The following SBF2 variants were observed in gnomAD, a reference collection of about 807,000 sequenced individuals.
The protein encoded by SBF2 is SET binding factor 2.
Under a neutral mutation model 225.2 loss-of-function variants are expected in SBF2, and 112 were observed. The ratio of observed to expected loss-of-function variants is 0.50; its 90% CI spans 0.43 to 0.58. The LOEUF is 0.58. Ranked by LOEUF, SBF2 falls within the 20% of genes least tolerant of loss-of-function variation. The pLI is 0.00. For synonymous variants in SBF2, 763 were observed against 773.3 expected, an observed-to-expected ratio of 0.99 and a Z score of 0.22; for missense variants, 1,996 against 2,206.2, an observed-to-expected ratio of 0.90 and a Z score of 1.91.
At chr11:10,272,809 G>A (rs538615476) in intron 1 of SBF2, among the ~76,000 whole-genome samples, 1 of 151,328 alleles carries the variant, frequency 6.6e-6, no homozygotes, top group African/African-American at 2.4e-5. Context: ...GGTGGCTCCC[G>A]CCTGTAATCC....
chr11:9,942,901 G>GAGAGGAAGAAAGAA (rs1209099295), intron 16 of SBF2, among the ~76,000 whole-genome samples: 1 of 101,312 alleles, frequency 9.9e-6, no homozygotes, highest in African/African-American at 3.4e-5. Context: ...AAGAGAGAGA[G>GAGAGGAAGAAAGAA]AGAAAGAAAG....
intron 2 of SBF2, among the ~76,000 whole-genome samples, chr11:10,098,934 A>G (rs1464155218): frequency 1.3e-5 from 2 of 152,154 alleles, no homozygotes; most frequent in Admixed American, 1.3e-4. Flanking sequence ...AATATGCATG[A>G]TAGAAGTCTC....
At chr11:10,171,843 G>C (rs554953748) in intron 2 of SBF2, among the ~76,000 whole-genome samples, 1 of 152,096 alleles carries the variant, frequency 6.6e-6, no homozygotes, top group East Asian at 1.9e-4. Context: ...GTCTGTTCAG[G>C]TTTTGGATTT....
At chr11:10,268,805 A>G (rs1962226775) in intron 1 of SBF2, among the ~76,000 whole-genome samples, 1 of 152,240 alleles carries the variant, frequency 6.6e-6, no homozygotes, top group Admixed American at 6.5e-5. Context: ...ATGTAAACGG[A>G]AAGACCTTGA....
chr11:9,893,874 T>C (rs1406933292), intron 17 of SBF2, among the ~76,000 whole-genome samples: 1 of 152,190 alleles, frequency 6.6e-6, no homozygotes, highest in Admixed American at 6.5e-5. Context: ...TTGCTCCCTA[T>C]ATTTTATTCC....
chr11:10,019,529 T>C (rs1219761137), intron 6 of SBF2, among the ~76,000 whole-genome samples: 3 of 152,144 alleles, frequency 2.0e-5, no homozygotes, highest in Non-Finnish European at 2.9e-5. Context: ...GTTTTTATGA[T>C]AGGAGAGGAA....
intron 26 of SBF2, chr11:9,838,366 G>A (rs1855871184): frequency 6.6e-6 from 1 of 152,040 alleles, no homozygotes. Flanking sequence ...TGATAAATGA[G>A]TCTGTTTTCT....
chr11:10,024,616 G>C (rs908306819), intron 6 of SBF2, among the ~76,000 whole-genome samples: 1 of 151,946 alleles, frequency 6.6e-6, no homozygotes, highest in African/African-American at 2.4e-5. Flanking sequence ...GCTCCTGCTT[G>C]TGCTTCCAAA....
intron 16 of SBF2, among the ~76,000 whole-genome samples, chr11:9,937,235 A>T (rs907932178): frequency 1.3e-5 from 2 of 152,232 alleles, no homozygotes; most frequent in African/African-American, 4.8e-5. Context: ...TCACTATAAC[A>T]TTTCTGAAGA....
intron 1 of SBF2, among the ~76,000 whole-genome samples, chr11:10,286,899 C>T (rs752763404): frequency 3.9e-5 from 6 of 152,198 alleles, no homozygotes; most frequent in East Asian, 1.9e-4. Context: ...TCTTCTCCTA[C>T]GTATTTACCC....
intron 12 of SBF2, among the ~76,000 whole-genome samples, chr11:9,991,742 T>C (rs753281058): frequency 2.6e-5 from 4 of 152,184 alleles, no homozygotes; most frequent in Non-Finnish European, 4.4e-5. Context: ...TCTCCCTTTA[T>C]ATGGCTAATT....
chr11:10,092,259 G>T (rs1007622597), intron 2 of SBF2, among the ~76,000 whole-genome samples: 1 of 152,050 alleles, frequency 6.6e-6, no homozygotes, highest in African/African-American at 2.4e-5. Flanking sequence ...CAATCAAAAT[G>T]ATTACTAATA....
rs570827805 is a variant in SBF2, at chr11:10,018,809, A to G, written c.619+9643T>C. On this transcript the variant is annotated intron_variant, in intron 6 of 39. Coordinates refer to ENST00000256190, the MANE Select transcript of SBF2 (RefSeq NM_030962.4). Reference sequence around the variant, plus strand: ...GTTTCTTTATAGAACTAGCATAAATATTTAATTTTTAATTTTGAAATGAAA... The same window carrying G: ...GTTTCTTTATAGAACTAGCATAAATGTTTAATTTTTAATTTTGAAATGAAA... Among the ~76,000 whole-genome samples the G allele has an allele frequency of 2.6e-5, 4 of 152,196 alleles. No individual in the cohort carries two copies. In the South Asian group the frequency reaches 6.2e-4, roughly 24 times the overall value.
In SBF2 at chr11:9,879,791, TC is replaced by T. The variant is rs372401716; in HGVS notation, c.1929+16151del. Among the ~76,000 whole-genome samples, 56 of 152,216 alleles carry T rather than the reference TC, an allele frequency of 3.7e-4. No homozygotes were observed. The South Asian group carries it at 4.8e-3, about 13-fold the overall frequency. The stretch of plus-strand genomic sequence containing the variant: ...CAGACAGTTAAACATTTGTTTCAGA[TC>T]TCAGGATGAGGCCAGGCTTGGTGGT... On this transcript the variant is annotated intron_variant, in intron 17 of 39. Coordinates refer to ENST00000256190, the MANE Select transcript of SBF2 (RefSeq NM_030962.4).
intron 17 of SBF2, among the ~76,000 whole-genome samples, chr11:9,891,551 G>C (rs1419457260): frequency 6.6e-6 from 1 of 152,162 alleles, no homozygotes; most frequent in East Asian, 1.9e-4. Flanking sequence ...TATAAGCACA[G>C]GGCTTGGCAT....
Position 10,133,103 on chromosome 11 carries a change from A to G in SBF2, c.141+60799T>C, listed in dbSNP as rs532758144. On this transcript the variant is annotated intron_variant, in intron 2 of 39. Transcript: ENST00000256190. ...AGGTTCTCCACTTCCTCACCAGAGC[A>G]GCTAGATACAGAGTGTCGATTGGTG... is the stretch of plus-strand genomic sequence containing the variant. 2.7e-4 allele frequency among the ~76,000 whole-genome samples: 40 copies of G among 149,112 alleles called. 2 individuals carry two copies. The highest frequency in any genetic ancestry group is 2.5e-4 in the African/African-American group (10 of 40,468).
rs1279860949 is a variant in SBF2 at position 9,803,211 on chromosome 11, TCTTTA to T, written c.4443+4784_4443+4788del. Among the ~76,000 whole-genome samples the T allele has an allele frequency of 1.5e-4, 9 of 59,040 alleles. No homozygotes were observed. The South Asian group carries it at 2.1e-3, about 14-fold the overall frequency. 38.7% of individuals were successfully genotyped at this position (59,040 alleles called of 152,430 possible). A position where few individuals can be genotyped will look rare whatever the true frequency, so the allele number is the denominator to read the frequency against. ...TTATATAAAACATTTGAATTTTAAC[TCTTTA>T]CTTGAAAAAAAAAACAGATGAATCT... On this transcript the variant is annotated intron_variant, in intron 32 of 39. Coordinates refer to ENST00000256190, the MANE Select transcript of SBF2 (RefSeq NM_030962.4).
chr11:10,194,169 T>C lies in SBF2; in HGVS notation c.56-182A>G, dbSNP rs4515960. Among the ~76,000 whole-genome samples the C allele has an allele frequency of 0.055, 8,310 of 152,290 alleles. 313 individuals are homozygous for C. The highest frequency in any genetic ancestry group is 0.14 in the Middle Eastern group (42 of 294). On this transcript the variant is annotated intron_variant, in intron 1 of 39. Transcript: ENST00000256190. ...TAAACATTATGCAGTAGGACCTCCA[T>C]ATCCATGGGTTTTGCATCTGCAGGA...
chr11:9,834,547 C>T (rs1855619039), intron 26 of SBF2, among the ~76,000 whole-genome samples: 6 of 152,192 alleles, frequency 3.9e-5, no homozygotes, highest in African/African-American at 1.4e-4. Flanking sequence ...AACTACTTTA[C>T]TGAATGCCAA....
Sources: gnomAD v4.1 joint callset for allele counts (sites outside exome capture counted in the v4.1 genomes callset) on GRCh38, gnomAD v4.1.1 for gene constraint, MANE v1.5 for transcripts, NCBI Gene and HGNC (gene_info 2026-07-23, HGNC 2026-07-21) for gene names.